The following CACNA1C variants were observed in gnomAD, a reference collection of about 807,000 sequenced individuals.
The protein encoded by CACNA1C is voltage-dependent L-type calcium channel subunit alpha-1C.
A neutral mutation model predicts 229.0 loss-of-function variants in CACNA1C; 30 were observed. The observed-to-expected ratio is 0.13, with a 90% confidence interval of 0.10 to 0.18. The LOEUF is 0.18. CACNA1C is among the 10% of genes least tolerant of loss of function. The probability of loss-of-function intolerance (pLI) is 1.00; values close to 1 mark genes in which losing one functional copy is unlikely to be tolerated. For missense variants in CACNA1C, 1,658 were observed against 2,845.0 expected (o/e 0.58, Z 9.49); for synonymous variants, 1,114 against 1,132.5 (o/e 0.98, Z 0.33).
intron 1 of CACNA1C, among the ~76,000 whole-genome samples, chr12:2,028,028 C>T (rs955036183): frequency 7.9e-5 from 12 of 152,166 alleles, no homozygotes; most frequent in African/African-American, 2.7e-4. Flanking sequence ...CTGAAACCTT[C>T]GCCTCCTCTG....
At chr12:2,462,911 T>A (rs1335723486) in intron 5 of CACNA1C, among the ~76,000 whole-genome samples, 1 of 33,184 alleles carries the variant, frequency 3.0e-5, no homozygotes, top group Non-Finnish European at 8.7e-5. Context: ...AAAAGTTGCA[T>A]TTTTTTTTTT....
At chr12:2,579,156 C>A (rs2059646946) in intron 13 of CACNA1C, among the ~76,000 whole-genome samples, 1 of 152,116 alleles carries the variant, frequency 6.6e-6, no homozygotes, top group South Asian at 2.1e-4. Flanking sequence ...TCCCGTTGGT[C>A]CCCATGGCTG....
intron 3 of CACNA1C, among the ~76,000 whole-genome samples, chr12:2,349,751 A>C (rs1174733046): frequency 6.6e-6 from 1 of 152,172 alleles, no homozygotes; most frequent in Non-Finnish European, 1.5e-5. Context: ...CTTCATCTGC[A>C]GAATGGGGAT....
intron 1 of CACNA1C, chr12:2,004,353 A>C (rs750629227): frequency 5.6e-6 from 9 of 1,613,306 alleles, no homozygotes; most frequent in Non-Finnish European, 7.6e-6. Context: ...CGGTTGATAT[A>C]GGGGTCGTGG....
chr12:2,385,269 C>A (rs1189123445), intron 3 of CACNA1C, among the ~76,000 whole-genome samples: 9 of 152,216 alleles, frequency 5.9e-5, no homozygotes, highest in Admixed American at 1.3e-4. Context: ...GAAGACCGGC[C>A]CCCTCAGATG....
chr12:2,088,751 C>T (rs148280706), intron 1 of CACNA1C, among the ~76,000 whole-genome samples: 1 of 152,260 alleles, frequency 6.6e-6, no homozygotes, highest in Non-Finnish European at 1.5e-5. Context: ...GGAGAAGGAC[C>T]TTCCCACTGT....
intron 5 of CACNA1C, among the ~76,000 whole-genome samples, chr12:2,470,768 T>G (rs1045140611): frequency 6.6e-6 from 1 of 152,162 alleles, no homozygotes; most frequent in Non-Finnish European, 1.5e-5. Context: ...TAGTACTCTG[T>G]GGGTCCAACT....
intron 3 of CACNA1C, among the ~76,000 whole-genome samples, chr12:2,371,754 G>A (rs2097874009): frequency 7.2e-6 from 1 of 139,220 alleles, no homozygotes; most frequent in Non-Finnish European, 1.5e-5. Flanking sequence ...TTTAATCTCG[G>A]ACTCTTGGAC....
At chr12:2,232,242 T>G (rs1006792639) in intron 3 of CACNA1C, among the ~76,000 whole-genome samples, 1 of 146,408 alleles carries the variant, frequency 6.8e-6, no homozygotes. Flanking sequence ...TTTTTTTTTT[T>G]TTTTTTTTTT....
At chr12:2,191,794 T>G (rs1019117693) in intron 3 of CACNA1C, among the ~76,000 whole-genome samples, 32 of 114,422 alleles carry the variant, frequency 2.8e-4, no homozygotes, top group Non-Finnish European at 5.5e-4. Context: ...ATGCACATGA[T>G]CTCACGTACA....
At chr12:2,413,826 C>T (rs949506412) in intron 3 of CACNA1C, among the ~76,000 whole-genome samples, 11 of 152,196 alleles carry the variant, frequency 7.2e-5, no homozygotes, top group African/African-American at 1.7e-4. Flanking sequence ...AGGCCCAGCT[C>T]AAATGCCTCC....
chr12:2,596,142 G>A, intron 20 of CACNA1C, 139 bp downstream of exon 20: 1 of 852,404 alleles, frequency 1.2e-6, no homozygotes, highest in Admixed American at 3.1e-5. Flanking sequence ...ATTTCATTAA[G>A]AGAGTAGGGC....
At chr12:2,473,940 C>T (rs765198245) in intron 5 of CACNA1C, among the ~76,000 whole-genome samples, 6 of 152,010 alleles carry the variant, frequency 3.9e-5, no homozygotes, top group Non-Finnish European at 2.9e-5. Flanking sequence ...GTAGAGTTAC[C>T]GTAAGTTGGC....
chr12:2,355,913 G>C (rs969913843), intron 3 of CACNA1C, among the ~76,000 whole-genome samples: 1 of 152,152 alleles, frequency 6.6e-6, no homozygotes, highest in Non-Finnish European at 1.5e-5. Context: ...TGTCTGTTCA[G>C]CTCCTTCCTG....
At chr12:2,657,119 T>TATAC (rs2095465289) in intron 34 of CACNA1C, among the ~76,000 whole-genome samples, 1 of 152,208 alleles carries the variant, frequency 6.6e-6, no homozygotes, top group African/African-American at 2.4e-5. Context: ...ACTCAGGCTG[T>TATAC]ACTTCCACAG....
intron 3 of CACNA1C, among the ~76,000 whole-genome samples, chr12:2,205,798 C>T (rs1441327304): frequency 6.6e-6 from 1 of 152,196 alleles, no homozygotes; most frequent in Admixed American, 6.5e-5. Flanking sequence ...TGGGCAGCCC[C>T]AGGATCAAGG....
chr12:2,370,492 T>C (rs1438861308), intron 3 of CACNA1C, among the ~76,000 whole-genome samples: 3 of 152,238 alleles, frequency 2.0e-5, no homozygotes, highest in African/African-American at 4.8e-5. Flanking sequence ...ACTCATATGA[T>C]GAGCTAATAA....
intron 8 of CACNA1C, among the ~76,000 whole-genome samples, chr12:2,510,131 C>T (rs1261511098): frequency 1.3e-5 from 2 of 152,180 alleles, no homozygotes; most frequent in African/African-American, 2.4e-5. Context: ...AGTCCTGTCT[C>T]GTGACAAATC....
At chr12:2,292,227 G>A (rs758410612) in intron 3 of CACNA1C, among the ~76,000 whole-genome samples, 1 of 152,232 alleles carries the variant, frequency 6.6e-6, no homozygotes, top group Non-Finnish European at 1.5e-5. Context: ...TGCTAAATCT[G>A]TGTACAATAG....
Sources: allele counts gnomAD v4.1 joint callset (sites outside exome capture counted in the v4.1 genomes callset), GRCh38; gene constraint gnomAD v4.1.1; transcripts MANE v1.5; gene names NCBI Gene and HGNC (gene_info 2026-07-23, HGNC 2026-07-21).